Variants in INPP5F observed in about 807,000 individuals in gnomAD.
INPP5F encodes phosphatidylinositide 4-phosphatase SAC2.
In INPP5F, 97 loss-of-function variants were observed where a neutral mutation model predicts 137.2. The observed-to-expected ratio is 0.71, with a 90% CI of 0.60 to 0.84. The LOEUF (loss-of-function observed/expected upper bound fraction) is 0.84. Among genes scored for constraint, INPP5F ranks in the 40% least tolerant of loss-of-function variants. INPP5F has a pLI of 0.00. For missense variants in INPP5F, 1,271 were observed against 1,371.9 expected (o/e 0.93, Z 1.16); for synonymous variants, 504 against 476.9 (o/e 1.06, Z -0.74).
intron 15 of INPP5F, among the ~76,000 whole-genome samples, chr10:119,813,475 A>G (rs1199340345): frequency 2.0e-5 from 3 of 152,056 alleles, no homozygotes; most frequent in African/African-American, 7.2e-5. Context: ...AAATTTTAAA[A>G]TTAGCCTGGT....
intron 7 of INPP5F, 50 bp from the exon 8 acceptor site, chr10:119,797,406 CAGACT>C: frequency 7.4e-7 from 1 of 1,357,072 alleles, no homozygotes; most frequent in South Asian, 1.3e-5. Context: ...ATAATCTAGC[CAGACT>C]AAATAAATTT....
Position 119,785,535 on chromosome 10 carries a change from C to CGAGAGAGAGAGAGAGAGAGAGAGAGAGA in INPP5F, c.315+3781_315+3808dup, listed in dbSNP as rs59804262. On this transcript the variant is annotated intron_variant, in intron 3 of 19. Transcript: ENST00000650623. ...TGATCTCCTGACCTTGTGATCCGCT[C>CGAGAGAGAGAGAGAGAGAGAGAGAGAGA]GAGAGAGAGAGAGAGAGAGAGAGAG... Among the ~76,000 whole-genome samples the CGAGAGAGAGAGAGAGAGAGAGAGAGAGA allele has an allele frequency of 8.5e-5, 8 of 93,624 alleles. 1 individual carries two copies. Among genetic ancestry groups the CGAGAGAGAGAGAGAGAGAGAGAGAGAGA allele is most frequent in the African/African-American group, 1.2e-4 (3 of 25,412 alleles). The allele number at this position is 93,624 out of a possible 152,430, so 61.4% of individuals were successfully genotyped here.
At chr10:119,820,799 G>A (rs1851530179) in intron 15 of INPP5F, 47 bp from the exon 16 acceptor site, 2 of 1,464,294 alleles carry the variant, frequency 1.4e-6, no homozygotes, top group African/African-American at 2.8e-5. Flanking sequence ...GGCAAAAAAT[G>A]CAGATGGAAA....
Position 119,823,119 on chromosome 10 carries a change from T to C in INPP5F, c.2081T>C (p.Leu694Pro). The C allele has an allele frequency of 6.2e-7, 1 of 1,614,096 alleles. No individual in the cohort carries two copies. The highest frequency in any genetic ancestry group is 8.5e-7 in the Non-Finnish European group (1 of 1,179,954). The change falls in exon 18 of 20, where the codon CTG becomes CCG. Residue 694 changes from leucine to proline, a missense_variant. Transcript: ENST00000650623. ...FGKPKFSCMR[L>P]HYRYKEASGY... ...AAGCCAAAGTTCTCCTGCATGCGACTGCACTACAGATACAAAGAAGCGAGT... is the reference window on the plus strand; with the variant it reads ...AAGCCAAAGTTCTCCTGCATGCGACCGCACTACAGATACAAAGAAGCGAGT...
chr10:119,811,635 A>G, intron 14 of INPP5F, 122 bp from the exon 15 acceptor site: 2 of 747,982 alleles, frequency 2.7e-6, no homozygotes, highest in Non-Finnish European at 4.3e-6. Context: ...CCAAGGTTAC[A>G]AAGATTTATG....
chr10:119,781,403 A>T (rs1459008394), intron 2 of INPP5F, among the ~76,000 whole-genome samples: 1 of 152,240 alleles, frequency 6.6e-6, no homozygotes, highest in African/African-American at 2.4e-5. Context: ...CTGATGGGTG[A>T]GCATGGTGTC....
chr10:119,793,394 TAAAACAAAACAAAAC>T (rs59082717), intron 6 of INPP5F, among the ~76,000 whole-genome samples: 249 of 149,618 alleles, frequency 1.7e-3, no homozygotes, highest in East Asian at 0.013. Flanking sequence ...GCAGGCTGCA[TAAAACAAAACAAAAC>T]AAAACAAAAC....
At position 119,827,520 on chromosome 10, in the gene INPP5F, C is replaced by G. The variant is rs757621024; in HGVS notation, c.3139C>G (p.Leu1047Val). The G allele has an allele frequency of 6.2e-7, 1 of 1,614,058 alleles. No individual in the cohort carries two copies. Among genetic ancestry groups the G allele is most frequent in the Non-Finnish European group, 8.5e-7 (1 of 1,179,966 alleles). Residue 1047 changes from leucine (L) to valine (V), a missense_variant, in exon 20 of 20, where the codon CTT becomes GTT. Physicochemically the swap from Leu to Val is conservative, Grantham distance 32. This residue lies in a region of INPP5F where 490 missense variants were observed against 443.7 expected (regional missense o/e 1.10). Transcript: ENST00000650623. ...AACCCCCACCTCCGCTTCCAGCATG[C>G]TTGAACTTGAGACAGGGCTTCATGT... Reference protein sequence around the residue: ...QKTPTSASSMLELETGLHVTP... With the variant: ...QKTPTSASSMVELETGLHVTP...
At chr10:119,771,008 G>C (rs1849316970) in intron 2 of INPP5F, among the ~76,000 whole-genome samples, 1 of 152,066 alleles carries the variant, frequency 6.6e-6, no homozygotes, top group Non-Finnish European at 1.5e-5. Context: ...GTTTTTAGTA[G>C]ATTTGCAAGG....
rs1320309406 is a variant in INPP5F, at chr10:119,826,970, C to G, written c.2589C>G (p.Phe863Leu). 10 of 1,613,882 alleles carry G rather than the reference C, an allele frequency of 6.2e-6. No individual in the cohort carries two copies. The highest frequency in any genetic ancestry group is 8.5e-6 in the Non-Finnish European group (10 of 1,179,934). Residue 863 changes from phenylalanine to leucine, a missense_variant, in exon 20 of 20, where the codon TTC (phenylalanine) becomes TTG (leucine). By Grantham distance (22) the Phe-to-Leu change is conservative. This residue lies in a region of INPP5F where 490 missense variants were observed against 443.7 expected (regional missense o/e 1.10). Coordinates refer to ENST00000650623, the MANE Select transcript of INPP5F (RefSeq NM_014937.4). Reference protein sequence around the residue: ...SDNDSYHSDEFLTNSKSDEDR... With the variant: ...SDNDSYHSDELLTNSKSDEDR... ...ATGACTCATACCACTCTGATGAATT[C>G]CTTACAAATTCTAAGTCTGATGAAG... is the stretch of plus-strand genomic sequence containing the variant.
intron 7 of INPP5F, 31 bp downstream of exon 7, chr10:119,796,944 C>T (rs1850406541): frequency 1.3e-6 from 2 of 1,564,006 alleles, no homozygotes; most frequent in Non-Finnish European, 1.8e-6. Context: ...GCATTCAAAT[C>T]AAATCCAGGC....
intron 15 of INPP5F, among the ~76,000 whole-genome samples, chr10:119,818,219 C>T (rs1476823571): frequency 2.6e-5 from 4 of 152,226 alleles, no homozygotes; most frequent in Non-Finnish European, 5.9e-5. Flanking sequence ...TCGCAGGAAA[C>T]CCCCGACTCT....
At chr10:119,790,216 C>T (rs772517650) in intron 3 of INPP5F, among the ~76,000 whole-genome samples, 1 of 152,096 alleles carries the variant, frequency 6.6e-6, no homozygotes, top group African/African-American at 2.4e-5. Flanking sequence ...CTGACGGAAA[C>T]GATCACAGAA....
chr10:119,819,478 A>T (rs771195086), intron 15 of INPP5F: 5 of 1,600,498 alleles, frequency 3.1e-6, no homozygotes, highest in Non-Finnish European at 4.3e-6. Flanking sequence ...TTTATTTCAT[A>T]TTAAAATGTG....
intron 9 of INPP5F, among the ~76,000 whole-genome samples, chr10:119,803,362 C>T (rs1850659924): frequency 1.3e-5 from 2 of 152,176 alleles, no homozygotes; most frequent in Non-Finnish European, 2.9e-5. Context: ...TTACCCCACA[C>T]ATAGACATCC....
At chr10:119,796,516 G>C (rs1850390829) in intron 6 of INPP5F, among the ~76,000 whole-genome samples, 199 bp from the exon 7 acceptor site, 1 of 152,158 alleles carries the variant, frequency 6.6e-6, no homozygotes, top group African/African-American at 2.4e-5. Context: ...CTCTTAGGCT[G>C]TGTTCACCAT....
At chr10:119,753,283 C>T (rs1257944952) in intron 2 of INPP5F, among the ~76,000 whole-genome samples, 1 of 152,162 alleles carries the variant, frequency 6.6e-6, no homozygotes, top group Non-Finnish European at 1.5e-5. Flanking sequence ...TCACTGCAAT[C>T]AGTTAGGAGA....
chr10:119,763,288 G>A (rs1263284041), intron 2 of INPP5F, among the ~76,000 whole-genome samples: 1 of 152,170 alleles, frequency 6.6e-6, no homozygotes, highest in Non-Finnish European at 1.5e-5. Context: ...CTGCCTCCAC[G>A]GCTCTACCCA....
rs1847871997 is a variant in INPP5F, at chr10:119,726,072, T to TGCCGCC, written c.-185_-180dup. On this transcript the variant is annotated 5_prime_UTR_variant, in exon 1 of 20. Transcript: ENST00000650623. ...GGGGAGAGGCCTCTACGGCCGCCGC[T>TGCCGCC]GCCGCCGCCGCTGCCGGGGCGCGTT... The TGCCGCC allele has an allele frequency of 2.7e-6, 1 of 368,864 alleles. No individual in the cohort carries two copies. The highest frequency in any genetic ancestry group is 2.2e-5 in the African/African-American group (1 of 46,224). The allele number at this position is 368,864 out of a possible 1,614,324, so 22.8% of individuals were successfully genotyped here.
Sources: gnomAD v4.1 joint callset for allele counts (sites outside exome capture counted in the v4.1 genomes callset) on GRCh38, gnomAD v4.1.1 for gene constraint, gnomAD v4.1.1 regional missense constraint, MANE v1.5 for transcripts, NCBI Gene and HGNC (gene_info 2026-07-23, HGNC 2026-07-21) for gene names.